CNTNAP2: variants seen among roughly 807,000 people sequenced by gnomAD.
CNTNAP2 encodes the protein contactin associated protein 2, also known as contactin-associated protein-like 2.
In CNTNAP2, 98 loss-of-function variants were observed where a neutral mutation model predicts 155.2. The observed-to-expected ratio is 0.63, with a 90% CI of 0.54 to 0.75. The LOEUF (loss-of-function observed/expected upper bound fraction) is 0.75. Among genes scored for constraint, CNTNAP2 ranks in the 30% least tolerant of loss-of-function variants. The pLI, the probability that CNTNAP2 is intolerant of heterozygous loss-of-function variation, is 0.00. For synonymous variants in CNTNAP2, 651 were observed against 631.2 expected, an observed-to-expected ratio of 1.03 and a Z score of -0.47; for missense variants, 1,727 against 1,688.1, an observed-to-expected ratio of 1.02 and a Z score of -0.40.
At chr7:146,349,853 G>C (rs1425417589) in intron 1 of CNTNAP2, among the ~76,000 whole-genome samples, 1 of 151,902 alleles carries the variant, frequency 6.6e-6, no homozygotes, top group African/African-American at 2.4e-5. Flanking sequence ...TAGTCTGATG[G>C]GTTTCCCTTT....
chr7:147,448,982 A>G (rs1470842260), intron 10 of CNTNAP2, among the ~76,000 whole-genome samples: 2 of 148,228 alleles, frequency 1.3e-5, no homozygotes, highest in African/African-American at 4.9e-5. Flanking sequence ...AAATAGTTCT[A>G]AATCATGAAA....
chr7:148,412,747 T>G (rs986579), intron 23 of CNTNAP2, among the ~76,000 whole-genome samples: 2 of 151,990 alleles, frequency 1.3e-5, no homozygotes, highest in African/African-American at 2.4e-5. Flanking sequence ...ATATTGAGAT[T>G]TGACAATTTT....
chr7:148,022,480 AAAAAG>A (rs542894004), intron 15 of CNTNAP2, among the ~76,000 whole-genome samples: 35,764 of 136,738 alleles, frequency 0.26, 4,082 homozygotes, highest in Middle Eastern at 0.31. Context: ...AAAAAAAAAA[AAAAAG>A]AAAAGAAAAG....
chr7:146,278,907 A>G lies in CNTNAP2; in HGVS notation c.97+161934A>G, dbSNP rs150894265. On this transcript the variant is annotated intron_variant, in intron 1 of 23. Transcript: ENST00000361727. ...TTTTCCAGCACTGAGATAGGTTTAGATGAGTATGTCGGAGATAGGAACATT... is the reference window on the plus strand; with the variant it reads ...TTTTCCAGCACTGAGATAGGTTTAGGTGAGTATGTCGGAGATAGGAACATT... Among the ~76,000 whole-genome samples, 379 of 152,302 alleles carry G rather than the reference A, an allele frequency of 2.5e-3. 2 individuals are homozygous for G. Among genetic ancestry groups the G allele is most frequent in the African/African-American group, 8.5e-3 (354 of 41,568 alleles).
chr7:147,211,132 A>G (rs1018148368), intron 8 of CNTNAP2, among the ~76,000 whole-genome samples: 1 of 151,684 alleles, frequency 6.6e-6, no homozygotes, highest in Non-Finnish European at 1.5e-5. Flanking sequence ...TGTATTCTGT[A>G]TGTGTCTACT....
intron 13 of CNTNAP2, among the ~76,000 whole-genome samples, chr7:147,689,653 T>C (rs1796061949): frequency 6.6e-6 from 1 of 152,146 alleles, no homozygotes; most frequent in Non-Finnish European, 1.5e-5. Flanking sequence ...TTGTGCACTA[T>C]GGATGATTAC....
chr7:146,643,719 G>A (rs1747779803), intron 1 of CNTNAP2, among the ~76,000 whole-genome samples: 1 of 152,114 alleles, frequency 6.6e-6, no homozygotes, highest in Admixed American at 6.5e-5. Context: ...TAGCTTGATG[G>A]GGATGGCATT....
At chr7:147,954,177 G>A (rs191923728) in intron 14 of CNTNAP2, among the ~76,000 whole-genome samples, 1 of 152,208 alleles carries the variant, frequency 6.6e-6, no homozygotes, top group Admixed American at 6.5e-5. Flanking sequence ...CATAAATGAA[G>A]ATGACTTTAA....
intron 3 of CNTNAP2, among the ~76,000 whole-genome samples, chr7:146,907,715 A>T (rs1475220715): frequency 6.6e-6 from 1 of 150,868 alleles, no homozygotes; most frequent in Non-Finnish European, 1.5e-5. Context: ...TGTAAAGACC[A>T]TCGAGACTAG....
chr7:147,362,897 A>T (rs826828), intron 9 of CNTNAP2, among the ~76,000 whole-genome samples: 82,006 of 152,010 alleles, frequency 0.54, 23,345 homozygotes, highest in East Asian at 0.72. Context: ...AAAAAAAATT[A>T]AAAAAATCAA....
chr7:147,243,450 C>G (rs1391804447), intron 8 of CNTNAP2, among the ~76,000 whole-genome samples: 1 of 152,188 alleles, frequency 6.6e-6, no homozygotes, highest in East Asian at 1.9e-4. Context: ...TCCCAATTCA[C>G]ATGACTTTCT....
intron 15 of CNTNAP2, among the ~76,000 whole-genome samples, chr7:148,032,050 G>A (rs1318353214): frequency 6.6e-6 from 1 of 152,148 alleles, no homozygotes; most frequent in East Asian, 1.9e-4. Context: ...CTGCAGCCGC[G>A]CGGTGCCCTA....
At chr7:147,189,067 G>A (rs987420) in intron 8 of CNTNAP2, among the ~76,000 whole-genome samples, 11,198 of 152,120 alleles carry the variant, frequency 0.074, 476 homozygotes, top group Non-Finnish European at 0.1. Context: ...TTGACAACTT[G>A]TCAGGCACCT....
chr7:146,966,964 G>C (rs1022112283), intron 3 of CNTNAP2, among the ~76,000 whole-genome samples: 1 of 152,164 alleles, frequency 6.6e-6, no homozygotes, highest in Non-Finnish European at 1.5e-5. Context: ...GACACAGGCA[G>C]CCAAAAGGAA....
Position 147,942,940 on chromosome 7 carries a change from G to C in CNTNAP2, c.2256-34922G>C, listed in dbSNP as rs558210156. ...TAGTCCCAGCTACTCGGGAGGCTGA[G>C]GCAGGAGAATGGCATGAACCCGGGA... On this transcript the variant is annotated intron_variant, in intron 14 of 23. Transcript: ENST00000361727. Among the ~76,000 whole-genome samples the C allele has an allele frequency of 9.9e-5, 15 of 152,150 alleles. No homozygotes were observed. In the South Asian group the frequency reaches 3.1e-3, roughly 32 times the overall value.
At chr7:146,570,038 T>C (rs1385365878) in intron 1 of CNTNAP2, among the ~76,000 whole-genome samples, 2 of 152,214 alleles carry the variant, frequency 1.3e-5, no homozygotes, top group Non-Finnish European at 2.9e-5. Flanking sequence ...GTCACTCTAC[T>C]GATTTGCAAG....
rs148003790 is a variant in CNTNAP2 at position 147,819,910 on chromosome 7, G to A, written c.2099-83655G>A. 1.8e-4 allele frequency among the ~76,000 whole-genome samples: 28 copies of A among 152,208 alleles called. No individual in the cohort carries two copies. The East Asian group carries it at 5.4e-3, about 29-fold the overall frequency. On this transcript the variant is annotated intron_variant, in intron 13 of 23. Transcript: ENST00000361727. ...CCTCAGTTTATTCACCTGTTTTTCAGTTTGTGGCCATTTGGGATGTTTCTA... is the reference window on the plus strand; with the variant it reads ...CCTCAGTTTATTCACCTGTTTTTCAATTTGTGGCCATTTGGGATGTTTCTA...
At chr7:146,646,599 C>T (rs1049113146) in intron 1 of CNTNAP2, among the ~76,000 whole-genome samples, 10 of 152,036 alleles carry the variant, frequency 6.6e-5, no homozygotes, top group African/African-American at 9.7e-5. Flanking sequence ...AGTACATTTC[C>T]GGAAGTTCCT....
chr7:146,688,662 T>A (rs1800645145), intron 1 of CNTNAP2, among the ~76,000 whole-genome samples: 1 of 152,138 alleles, frequency 6.6e-6, no homozygotes, highest in Non-Finnish European at 1.5e-5. Context: ...AGGAACTGGC[T>A]ATTTTTCACT....
Sources: gnomAD v4.1 joint callset for allele counts (sites outside exome capture counted in the v4.1 genomes callset) on GRCh38, gnomAD v4.1.1 for gene constraint, MANE v1.5 for transcripts, NCBI Gene and HGNC (gene_info 2026-07-23, HGNC 2026-07-21) for gene names.